RGS9: variants seen among roughly 807,000 people sequenced by gnomAD.
The protein encoded by RGS9 is regulator of G-protein signalling 9.
RGS9 carries 78 observed loss-of-function variants against 102.0 expected under a neutral mutation model. That is an observed-to-expected ratio of 0.76 (90% CI 0.64 to 0.92). RGS9 has a LOEUF of 0.92. RGS9 is among the 40% of genes least tolerant of loss of function. RGS9 has a pLI of 0.00. For synonymous variants in RGS9, 353 were observed against 318.6 expected, an observed-to-expected ratio of 1.11 and a Z score of -1.15; for missense variants, 833 against 866.1, an observed-to-expected ratio of 0.96 and a Z score of 0.48.
intron 8 of RGS9, 53 bp downstream of exon 8, chr17:65,168,334 C>A: frequency 2.4e-6 from 3 of 1,254,480 alleles, no homozygotes; most frequent in Non-Finnish European, 2.3e-6. Flanking sequence ...CTCCCACCTC[C>A]ATCCTGTGCT....
chr17:65,150,696 T>C (rs1344165678), intron 1 of RGS9, among the ~76,000 whole-genome samples: 3 of 152,238 alleles, frequency 2.0e-5, no homozygotes, highest in Admixed American at 1.3e-4. Flanking sequence ...TGTGTTCACA[T>C]GACACCATAG....
At chr17:65,147,797 G>A (rs1226822526) in intron 1 of RGS9, among the ~76,000 whole-genome samples, 2 of 151,682 alleles carry the variant, frequency 1.3e-5, no homozygotes, top group Non-Finnish European at 1.5e-5. Context: ...TACCATGTTG[G>A]CCGGGCTGGT....
chr17:65,195,703 T>C (rs1028660499), intron 12 of RGS9, among the ~76,000 whole-genome samples: 14 of 152,186 alleles, frequency 9.2e-5, no homozygotes, highest in African/African-American at 3.1e-4. Flanking sequence ...TTACAATTAC[T>C]GGGGAAGCTT....
intron 17 of RGS9, among the ~76,000 whole-genome samples, chr17:65,213,571 G>A (rs1002794420): frequency 6.6e-6 from 1 of 151,616 alleles, no homozygotes; most frequent in Non-Finnish European, 1.5e-5. Context: ...GGTGAGTGTG[G>A]TGGTGAGGGT....
chr17:65,213,973 T>C (rs1913399995), intron 17 of RGS9, among the ~76,000 whole-genome samples: 2 of 152,198 alleles, frequency 1.3e-5, no homozygotes, highest in African/African-American at 4.8e-5. Context: ...TTATTTATTT[T>C]TTGTTTGAGA....
intron 17 of RGS9, among the ~76,000 whole-genome samples, chr17:65,215,433 T>G (rs1301383136): frequency 6.6e-6 from 1 of 152,238 alleles, no homozygotes; most frequent in Non-Finnish European, 1.5e-5. Context: ...ACACCATTCA[T>G]GTAATCAACA....
chr17:65,192,744 A>T (rs1912421310), intron 11 of RGS9, among the ~76,000 whole-genome samples: 1 of 152,138 alleles, frequency 6.6e-6, no homozygotes, highest in Non-Finnish European at 1.5e-5. Context: ...TCTTCCTCCA[A>T]ATAGTGTGTT....
In RGS9 at chr17:65,193,616, A is replaced by G; in HGVS notation, c.820A>G (p.Ile274Val). 6.2e-7 allele frequency: 1 copy of G among 1,613,922 alleles called. No individual in the cohort carries two copies. Among genetic ancestry groups the G allele is most frequent in the Non-Finnish European group, 8.5e-7 (1 of 1,179,776 alleles). Residue 274 changes from isoleucine (I) to valine (V), a missense_variant, in exon 12 of 19, where the codon ATC (isoleucine) becomes GTC (valine). Ile to Val is a conservative substitution (Grantham distance 29). Transcript: ENST00000262406. ...MSGCLPSNPW[I>V]TDDTQFWDLN... is the part of the protein sequence containing the mutation. ...AGGCTGCCTCCCCAGCAACCCCTGG[A>G]TCACCGATGACACCCAGTTCTGGGA...
intron 15 of RGS9, among the ~76,000 whole-genome samples, chr17:65,206,050 G>A (rs985834885): frequency 6.6e-6 from 1 of 152,134 alleles, no homozygotes; most frequent in Non-Finnish European, 1.5e-5. Flanking sequence ...TAGGCTGTGT[G>A]ATATAGGTTA....
At chr17:65,166,655 C>G (rs1205722866) in intron 7 of RGS9, among the ~76,000 whole-genome samples, 1 of 152,186 alleles carries the variant, frequency 6.6e-6, no homozygotes, top group Non-Finnish European at 1.5e-5. Flanking sequence ...CTAATAACAT[C>G]TGTTACAGAA....
rs748171185 is a variant in RGS9, at chr17:65,159,130, G to C, written c.205+785G>C. Among the ~76,000 whole-genome samples, 3 of 152,096 alleles carry C rather than the reference G, an allele frequency of 2.0e-5. No individual in the cohort carries two copies. In the South Asian group the frequency reaches 6.2e-4, roughly 32 times the overall value. Reference sequence around the variant, plus strand: ...CTCCTGGCTCATCCTGGCTCAAAAAGCTCCCCCACTGAGCACCTTGTGACC... The same window carrying C: ...CTCCTGGCTCATCCTGGCTCAAAAACCTCCCCCACTGAGCACCTTGTGACC... On this transcript the variant is annotated intron_variant, in intron 3 of 18. Transcript: ENST00000262406.
intron 17 of RGS9, among the ~76,000 whole-genome samples, chr17:65,213,963 T>C (rs902976103): frequency 6.6e-6 from 1 of 152,156 alleles, no homozygotes; most frequent in African/African-American, 2.4e-5. Flanking sequence ...ATTTATGTAT[T>C]TATTTATTTT....
intron 2 of RGS9, among the ~76,000 whole-genome samples, chr17:65,156,818 A>G (rs1910786482): frequency 6.6e-6 from 1 of 152,240 alleles, no homozygotes; most frequent in East Asian, 1.9e-4. Flanking sequence ...AAGTCTAAAC[A>G]CCCAGTCCTA....
chr17:65,158,064 G>T (rs572691290), intron 2 of RGS9, among the ~76,000 whole-genome samples: 7 of 152,120 alleles, frequency 4.6e-5, no homozygotes, highest in Non-Finnish European at 8.8e-5. Context: ...TGGGCTGGGG[G>T]TGCGTGCGGT....
chr17:65,186,831 A>G (rs1912142679), intron 9 of RGS9, among the ~76,000 whole-genome samples: 1 of 152,238 alleles, frequency 6.6e-6, no homozygotes, highest in Non-Finnish European at 1.5e-5. Context: ...ATTGCTTTGC[A>G]GTAGTTGCTA....
intron 12 of RGS9, among the ~76,000 whole-genome samples, chr17:65,194,466 GT>G (rs1261992579): frequency 6.6e-6 from 1 of 152,172 alleles, no homozygotes; most frequent in Non-Finnish European, 1.5e-5. Context: ...CAACAGATTG[GT>G]TTTGAAAATT....
At chr17:65,208,087 T>A in intron 16 of RGS9, 80 bp downstream of exon 16, 1 of 939,276 alleles carries the variant, frequency 1.1e-6, no homozygotes, top group African/African-American at 1.6e-5. Context: ...GCCAAATGGC[T>A]ATTATGGAGA....
chr17:65,152,246 A>G (rs542770913), intron 1 of RGS9, among the ~76,000 whole-genome samples: 1 of 152,196 alleles, frequency 6.6e-6, no homozygotes, highest in Non-Finnish European at 1.5e-5. Context: ...GACCCGCCCA[A>G]GGCTGGCTGG....
intron 8 of RGS9, among the ~76,000 whole-genome samples, chr17:65,171,485 C>T (rs1047486597): frequency 2.6e-5 from 4 of 152,236 alleles, no homozygotes; most frequent in African/African-American, 4.8e-5. Flanking sequence ...AGGCCCCACC[C>T]GTGGTCCCTC....
Sources: gnomAD v4.1 joint callset for allele counts (sites outside exome capture counted in the v4.1 genomes callset) on GRCh38, gnomAD v4.1.1 for gene constraint, MANE v1.5 for transcripts, NCBI Gene and HGNC (gene_info 2026-07-23, HGNC 2026-07-21) for gene names.